The following AFDN variants were observed in gnomAD, a reference collection of about 807,000 sequenced individuals.
AFDN encodes the protein afadin.
A neutral mutation model predicts 216.6 loss-of-function variants in AFDN; 68 were observed. The ratio of observed to expected loss-of-function variants is 0.31; its 90% CI spans 0.26 to 0.38. The LOEUF is 0.38. Among genes scored for constraint, AFDN ranks in the 10% least tolerant of loss-of-function variants. The pLI, the probability that AFDN is intolerant of heterozygous loss-of-function variation, is 1.00. For missense variants in AFDN, 2,136 were observed against 2,342.0 expected (o/e 0.91, Z 1.82); for synonymous variants, 868 against 853.7 (o/e 1.02, Z -0.29).
chr6:167,966,255 C>T, intron 32 of AFDN: 9 of 1,526,142 alleles, frequency 5.9e-6, no homozygotes, highest in Non-Finnish European at 7.9e-6. Flanking sequence ...CTCCTACCAT[C>T]CCAGCCACTG....
At chr6:167,877,857 C>A (rs1454511926) in intron 5 of AFDN, among the ~76,000 whole-genome samples, 1 of 152,234 alleles carries the variant, frequency 6.6e-6, no homozygotes, top group African/African-American at 2.4e-5. Context: ...GATGACAGAA[C>A]CTGCATGTCC....
chr6:167,926,326 A>AG (rs1792524233), intron 23 of AFDN, among the ~76,000 whole-genome samples: 1 of 152,262 alleles, frequency 6.6e-6, no homozygotes, highest in Non-Finnish European at 1.5e-5. Flanking sequence ...AAAAATGTTG[A>AG]GGTCCTGGCT....
At chr6:167,906,421 T>C (rs1789698913) in intron 12 of AFDN, among the ~76,000 whole-genome samples, 1 of 152,214 alleles carries the variant, frequency 6.6e-6, no homozygotes, top group Non-Finnish European at 1.5e-5. Flanking sequence ...CGCTAGGTGA[T>C]AAGAGAAACA....
chr6:167,846,671 G>T (rs1781717466), intron 1 of AFDN, among the ~76,000 whole-genome samples: 1 of 141,768 alleles, frequency 7.1e-6, no homozygotes, highest in Non-Finnish European at 1.5e-5. Flanking sequence ...GAAAATAATT[G>T]AAGATTGAAA....
intron 1 of AFDN, among the ~76,000 whole-genome samples, chr6:167,853,821 C>T (rs187374056): frequency 1.8e-3 from 279 of 152,146 alleles, no homozygotes; most frequent in African/African-American, 6.4e-3. Flanking sequence ...TTTGCCCTAA[C>T]TCTTAATGGC....
intron 1 of AFDN, among the ~76,000 whole-genome samples, chr6:167,845,508 C>T (rs1201109156): frequency 2.0e-5 from 3 of 152,056 alleles, no homozygotes; most frequent in African/African-American, 7.2e-5. Flanking sequence ...AGCGATTCTC[C>T]TGCCTCAGTC....
At chr6:167,853,771 G>C (rs527856292) in intron 1 of AFDN, among the ~76,000 whole-genome samples, 1 of 152,120 alleles carries the variant, frequency 6.6e-6, no homozygotes, top group African/African-American at 2.4e-5. Context: ...TCACTTAACT[G>C]TGTATCTTAT....
chr6:167,853,402 AG>A (rs1400070603), intron 1 of AFDN, among the ~76,000 whole-genome samples: 2 of 152,058 alleles, frequency 1.3e-5, no homozygotes, highest in Non-Finnish European at 2.9e-5. Flanking sequence ...ACTTGTCAGT[AG>A]ACTAGTCTGC....
chr6:167,883,777 C>G (rs1180255926), intron 6 of AFDN, among the ~76,000 whole-genome samples: 1 of 152,118 alleles, frequency 6.6e-6, no homozygotes, highest in South Asian at 2.1e-4. Flanking sequence ...ATGTTGATAG[C>G]CACTGACTGA....
At chr6:167,936,816 TG>T (rs1794067465) in intron 23 of AFDN, among the ~76,000 whole-genome samples, 1 of 152,076 alleles carries the variant, frequency 6.6e-6, no homozygotes, top group Non-Finnish European at 1.5e-5. Flanking sequence ...GTGGACACCT[TG>T]TAGTTGGACA....
intron 6 of AFDN, 70 bp downstream of exon 6, chr6:167,880,587 A>AT: frequency 6.9e-7 from 1 of 1,455,150 alleles, no homozygotes; most frequent in East Asian, 2.3e-5. Context: ...TTTAAATCAA[A>AT]TTAAACCTAG....
Position 167,915,361 on chromosome 6 carries a change from C to A in AFDN, c.2493C>A (p.Gly831=). Residue 831 remains glycine (G), a synonymous_variant, in exon 19 of 34, where the codon GGC becomes GGA. Transcript: ENST00000683244. The part of the protein sequence containing the change: ...YWGAIIRQQL[G]HIEAWAEKQG... ...GTGCGATTATCCGTCAGCAGTTGGG[C>A]CATATTGAAGCCTGGGCTGAGAAGC... 1.2e-6 allele frequency: 2 copies of A among 1,614,198 alleles called. No homozygotes were observed. Among genetic ancestry groups the A allele is most frequent in the Non-Finnish European group, 1.7e-6 (2 of 1,180,048 alleles).
chr6:167,836,227 T>C (rs902049744), intron 1 of AFDN, among the ~76,000 whole-genome samples: 1 of 152,194 alleles, frequency 6.6e-6, no homozygotes, highest in African/African-American at 2.4e-5. Flanking sequence ...TACTTATAGA[T>C]CTTGTAGTTC....
At chr6:167,952,473 TC>T (rs1221724236) in intron 30 of AFDN, 9 of 985,332 alleles carry the variant, frequency 9.1e-6, no homozygotes, top group African/African-American at 1.7e-5. Context: ...CCTTAACACT[TC>T]CAGTTGAGAA....
At chr6:167,914,013 C>T (rs1340258205) in intron 16 of AFDN, 155 bp from the exon 17 acceptor site, 15 of 691,578 alleles carry the variant, frequency 2.2e-5, no homozygotes, top group Non-Finnish European at 3.5e-5. Context: ...TGTATGCACC[C>T]AAATTATTTT....
chr6:167,902,525 A>G, intron 12 of AFDN, 139 bp downstream of exon 12: 1 of 637,164 alleles, frequency 1.6e-6, no homozygotes, highest in Non-Finnish European at 2.8e-6. Flanking sequence ...GAAATCATAA[A>G]TAGTACAGAG....
chr6:167,945,149 A>T (rs778846922), intron 26 of AFDN, among the ~76,000 whole-genome samples: 1 of 147,546 alleles, frequency 6.8e-6, no homozygotes, highest in East Asian at 2.1e-4. Context: ...TGCTTATTCC[A>T]TAAGTGATTT....
At chr6:167,968,263 T>C (rs946521817) in intron 32 of AFDN, among the ~76,000 whole-genome samples, 1 of 152,210 alleles carries the variant, frequency 6.6e-6, no homozygotes, top group African/African-American at 2.4e-5. Flanking sequence ...GATGTGTTTC[T>C]GTTGAATCTT....
chr6:167,845,480 C>G (rs1282256150), intron 1 of AFDN, among the ~76,000 whole-genome samples: 1 of 152,176 alleles, frequency 6.6e-6, no homozygotes, highest in East Asian at 1.9e-4. Context: ...TCACTGGCAC[C>G]TCCACCTCCC....
Sources: gnomAD v4.1 joint callset for allele counts (sites outside exome capture counted in the v4.1 genomes callset) on GRCh38, gnomAD v4.1.1 for gene constraint, MANE v1.5 for transcripts, NCBI Gene and HGNC (gene_info 2026-07-23, HGNC 2026-07-21) for gene names.